CDK13: variants seen among roughly 807,000 people sequenced by gnomAD.
CDK13 encodes the protein cyclin dependent kinase 13, also known as cyclin-dependent kinase 13.
A neutral mutation model predicts 137.6 loss-of-function variants in CDK13; 40 were observed. The ratio of observed to expected loss-of-function variants is 0.29; its 90% confidence interval spans 0.23 to 0.38. The LOEUF is 0.38. CDK13 is among the 10% of genes least tolerant of loss of function. The probability of loss-of-function intolerance (pLI) is 1.00; values close to 1 mark genes in which losing one functional copy is unlikely to be tolerated. For synonymous variants in CDK13, 869 were observed against 760.1 expected (o/e 1.14, Z -2.36); for missense variants, 1,704 against 1,951.8 (o/e 0.87, Z 2.39).
At position 40,058,575 on chromosome 7, in the gene CDK13, C is replaced by T. The variant is rs543788652; in HGVS notation, c.2601-4251C>T. Among the ~76,000 whole-genome samples, 71 of 6,534 alleles carry T rather than the reference C, an allele frequency of 0.011. 2 individuals are homozygous for T. The South Asian group carries it at 0.2, about 19-fold the overall frequency. 4.3% of individuals were successfully genotyped at this position (6,534 alleles called of 152,430 possible). A position where few individuals can be genotyped will look rare whatever the true frequency, so the allele number is the denominator to read the frequency against. ...ATAATAAAAACAAAAACGGGCAGGGCGGGCGGGGGGGTGCAATTAGAGATG... is the reference window on the plus strand; with the variant it reads ...ATAATAAAAACAAAAACGGGCAGGGTGGGCGGGGGGGTGCAATTAGAGATG... On this transcript the variant is annotated intron_variant, in intron 7 of 13. Transcript: ENST00000181839.
intron 5 of CDK13, among the ~76,000 whole-genome samples, chr7:40,004,837 C>T (rs920405793): frequency 1.4e-4 from 22 of 152,178 alleles, no homozygotes; most frequent in African/African-American, 5.1e-4. Context: ...AACATTTGCA[C>T]TGTTATAACT....
chr7:39,973,037 C>T (rs1438570350), intron 1 of CDK13, among the ~76,000 whole-genome samples: 1 of 152,130 alleles, frequency 6.6e-6, no homozygotes, highest in Non-Finnish European at 1.5e-5. Flanking sequence ...TCTCTAATGA[C>T]AAATAAAGTT....
chr7:39,957,457 A>G (rs1489483907), intron 1 of CDK13, among the ~76,000 whole-genome samples: 1 of 152,100 alleles, frequency 6.6e-6, no homozygotes, highest in Non-Finnish European at 1.5e-5. Flanking sequence ...TTGGTGGTTT[A>G]ATTTAAATAC....
chr7:40,083,945 A>G (rs1304796791), intron 11 of CDK13, among the ~76,000 whole-genome samples: 1 of 152,230 alleles, frequency 6.6e-6, no homozygotes, highest in Non-Finnish European at 1.5e-5. Context: ...GGTAAGGACT[A>G]TGAAGAAATA....
At chr7:40,023,093 CT>C (rs748459820) in intron 5 of CDK13, among the ~76,000 whole-genome samples, 1,483 of 137,478 alleles carry the variant, frequency 0.011, 22 homozygotes, top group African/African-American at 0.032. Flanking sequence ...TTATACTTAA[CT>C]TTTTTTTTTT....
At chr7:40,063,173 A>G (rs1786193272) in intron 9 of CDK13, 73 bp downstream of exon 9, 1 of 1,171,936 alleles carries the variant, frequency 8.5e-7, no homozygotes, top group East Asian at 2.3e-5. Flanking sequence ...AACTCTCCCA[A>G]GTTTGTCTTT....
chr7:40,005,576 C>T (rs557262803), intron 5 of CDK13, among the ~76,000 whole-genome samples: 6 of 152,064 alleles, frequency 3.9e-5, no homozygotes, highest in African/African-American at 9.6e-5. Context: ...AGATTACAGG[C>T]GTGAGCCCCT....
chr7:39,992,485 C>T (rs924837053), intron 2 of CDK13, among the ~76,000 whole-genome samples: 3 of 151,924 alleles, frequency 2.0e-5, no homozygotes, highest in African/African-American at 4.8e-5. Context: ...CATGAGCCAC[C>T]GCTCCCAGCT....
At chr7:39,968,199 A>G (rs1024960890) in intron 1 of CDK13, among the ~76,000 whole-genome samples, 1 of 152,096 alleles carries the variant, frequency 6.6e-6, no homozygotes, top group Admixed American at 6.6e-5. Context: ...ACTTTACTTC[A>G]TTGTTTCCTT....
At chr7:40,027,648 C>A (rs1023970401) in intron 5 of CDK13, among the ~76,000 whole-genome samples, 2 of 148,642 alleles carry the variant, frequency 1.3e-5, no homozygotes, top group African/African-American at 2.5e-5. Flanking sequence ...TCTATAACAC[C>A]CTTGGGCTTT....
chr7:40,034,986 T>C (rs1785451534), intron 5 of CDK13, among the ~76,000 whole-genome samples: 1 of 152,214 alleles, frequency 6.6e-6, no homozygotes, highest in African/African-American at 2.4e-5. Context: ...GCACAATTGA[T>C]AATATTTCTT....
At chr7:40,051,534 C>T (rs1481402372) in intron 7 of CDK13, among the ~76,000 whole-genome samples, 1 of 152,124 alleles carries the variant, frequency 6.6e-6, no homozygotes, top group Admixed American at 6.5e-5. Context: ...AATACTCATG[C>T]AAGTATAAAG....
At chr7:39,983,168 C>T (rs1172625993) in intron 1 of CDK13, among the ~76,000 whole-genome samples, 1 of 152,184 alleles carries the variant, frequency 6.6e-6, no homozygotes, top group African/African-American at 2.4e-5. Context: ...ACGTTTAAGT[C>T]TTTAATCCAT....
intron 5 of CDK13, among the ~76,000 whole-genome samples, chr7:40,041,187 G>A (rs945407280): frequency 1.3e-5 from 2 of 152,118 alleles, no homozygotes; most frequent in Non-Finnish European, 2.9e-5. Context: ...TTAGCCAGGA[G>A]TGGTGGTGCA....
intron 5 of CDK13, among the ~76,000 whole-genome samples, chr7:40,021,106 T>TACACACACACACACACACACACACAC (rs778814352): frequency 4.6e-5 from 3 of 65,386 alleles, no homozygotes; most frequent in East Asian, 3.3e-3. Flanking sequence ...AACAAACGTA[T>TACACACACACACACACACACACACAC]ATATATATAT....
intron 11 of CDK13, among the ~76,000 whole-genome samples, chr7:40,079,732 G>A (rs1786625505): frequency 6.6e-6 from 1 of 152,076 alleles, no homozygotes; most frequent in South Asian, 2.1e-4. Flanking sequence ...TTATAGCATA[G>A]TATACAATAT....
intron 5 of CDK13, among the ~76,000 whole-genome samples, chr7:40,045,611 CTG>C (rs373938538): frequency 2.3e-4 from 34 of 148,896 alleles, no homozygotes; most frequent in African/African-American, 5.7e-4. Flanking sequence ...AAAATCATAA[CTG>C]TTTTTTTGCG....
chr7:39,993,806 A>G (rs577377579), intron 2 of CDK13, among the ~76,000 whole-genome samples: 32 of 152,176 alleles, frequency 2.1e-4, no homozygotes, highest in Admixed American at 1.8e-3. Context: ...TTTTTATAGG[A>G]TAGTTACATG....
chr7:40,053,376 C>T (rs899253856), intron 7 of CDK13, among the ~76,000 whole-genome samples: 8 of 152,118 alleles, frequency 5.3e-5, no homozygotes, highest in African/African-American at 1.9e-4. Flanking sequence ...TTCCAGTCAC[C>T]TCATATAGGC....
Sources: allele counts gnomAD v4.1 joint callset (sites outside exome capture counted in the v4.1 genomes callset), GRCh38; gene constraint gnomAD v4.1.1; transcripts MANE v1.5; gene names NCBI Gene and HGNC (gene_info 2026-07-23, HGNC 2026-07-21).